CDH18: variants seen among roughly 807,000 people sequenced by gnomAD.
CDH18 encodes cadherin 18.
CDH18 carries 31 observed loss-of-function variants against 67.9 expected under a neutral mutation model. The ratio of observed to expected loss-of-function variants is 0.46; its 90% CI spans 0.34 to 0.62. The LOEUF is 0.62. Among genes scored for constraint, CDH18 ranks in the 20% least tolerant of loss-of-function variants. The pLI is 0.01. For missense variants in CDH18, 890 were observed against 975.5 expected, an observed-to-expected ratio of 0.91 and a Z score of 1.17; for synonymous variants, 362 against 347.2, an observed-to-expected ratio of 1.04 and a Z score of -0.48.
intron 2 of CDH18, among the ~76,000 whole-genome samples, chr5:20,231,209 G>A (rs1485509795): frequency 6.6e-6 from 1 of 152,148 alleles, no homozygotes; most frequent in South Asian, 2.1e-4. Context: ...ATATATCAAA[G>A]TAAAACTTTA....
intron 3 of CDH18, among the ~76,000 whole-genome samples, chr5:19,811,039 G>A (rs1369120556): frequency 6.9e-6 from 1 of 145,900 alleles, no homozygotes; most frequent in Non-Finnish European, 1.5e-5. Flanking sequence ...GAAAGGAAAG[G>A]AAAGGGAAAG....
At chr5:19,894,000 T>C (rs945920313) in intron 2 of CDH18, among the ~76,000 whole-genome samples, 1 of 152,146 alleles carries the variant, frequency 6.6e-6, no homozygotes, top group African/African-American at 2.4e-5. Context: ...CCCGCTATCT[T>C]TTTGCTTTTC....
At chr5:19,724,511 A>G (rs1298742002) in intron 4 of CDH18, among the ~76,000 whole-genome samples, 2 of 88,142 alleles carry the variant, frequency 2.3e-5, no homozygotes, top group Non-Finnish European at 5.9e-5. Flanking sequence ...ACACACAGAC[A>G]TACACACACA....
intron 2 of CDH18, among the ~76,000 whole-genome samples, chr5:20,138,738 T>C (rs561146159): frequency 6.6e-6 from 1 of 152,108 alleles, no homozygotes; most frequent in South Asian, 2.1e-4. Context: ...AATCAAATAC[T>C]GAGGAATCCA....
rs1358693337 is a variant in CDH18 at position 19,835,099 on chromosome 5, T to G, written c.228+3660A>C. On this transcript the variant is annotated intron_variant, in intron 3 of 12. Coordinates refer to ENST00000382275, the MANE Select transcript of CDH18 (RefSeq NM_004934.5). ...ATGTTAATTGCAGCACTATTTACAA[T>G]AGCAAAGACATGGAACCAACCCAAA... Among the ~76,000 whole-genome samples the G allele has an allele frequency of 6.6e-5, 10 of 152,244 alleles. No homozygotes were observed. The South Asian group carries it at 1.9e-3, about 28-fold the overall frequency.
intron 2 of CDH18, among the ~76,000 whole-genome samples, chr5:19,935,006 A>G (rs1187283745): frequency 2.0e-5 from 3 of 151,288 alleles, no homozygotes; most frequent in African/African-American, 7.3e-5. Flanking sequence ...TTCTTGGCCT[A>G]TGATTATGTC....
chr5:20,249,066 T>C (rs1561911157), intron 2 of CDH18, among the ~76,000 whole-genome samples: 2 of 152,176 alleles, frequency 1.3e-5, no homozygotes, highest in Non-Finnish European at 2.9e-5. Flanking sequence ...CAAAGTATTA[T>C]TGGAAAAGTA....
chr5:19,552,377 A>G (rs1737610885), intron 8 of CDH18, among the ~76,000 whole-genome samples: 1 of 152,146 alleles, frequency 6.6e-6, no homozygotes, highest in South Asian at 2.1e-4. Flanking sequence ...TGACTGTGAA[A>G]GCTCATCTTT....
Position 20,501,569 on chromosome 5 carries a change from A to ATTATATACATATTATATATATATAAT in CDH18, c.-580+73892_-580+73893insATTATATATATATAATATGTATATAA, listed in dbSNP as rs1491455085. On this transcript the variant is annotated intron_variant, in intron 1 of 14. Transcript: ENST00000507958. ...TATTATATATATAATATATATATAT[A>ATTATATACATATTATATATATATAAT]ATATATATATATTATATATATATAT... 6.8e-4 allele frequency among the ~76,000 whole-genome samples: 11 copies of ATTATATACATATTATATATATATAAT among 16,192 alleles called. 1 individual carries two copies. The East Asian group carries it at 0.036, about 53-fold the overall frequency. 10.6% of individuals were successfully genotyped at this position (16,192 alleles called of 152,430 possible).
chr5:19,967,862 A>C lies in CDH18; in HGVS notation c.-257+13198T>G, dbSNP rs187078377. On this transcript the variant is annotated intron_variant, in intron 2 of 12. Coordinates refer to ENST00000382275, the MANE Select transcript of CDH18 (RefSeq NM_004934.5). ...CCAGGGCAATTAGGCAGGAGAAGGA[A>C]ATAAAGGGTTTTCAATTAGGAAAAG... Among the ~76,000 whole-genome samples the C allele has an allele frequency of 1.2e-3, 181 of 152,220 alleles. 1 individual carries two copies. Among genetic ancestry groups the C allele is most frequent in the Admixed American group, 4.1e-3 (63 of 15,276 alleles).
chr5:20,379,529 A>G (rs1477031956), intron 1 of CDH18, among the ~76,000 whole-genome samples: 1 of 152,184 alleles, frequency 6.6e-6, no homozygotes, highest in East Asian at 1.9e-4. Flanking sequence ...ACACTGAACC[A>G]TGAAACACAC....
chr5:20,504,819 G>A (rs1177525017), intron 1 of CDH18, among the ~76,000 whole-genome samples: 1 of 133,274 alleles, frequency 7.5e-6, no homozygotes, highest in African/African-American at 2.9e-5. Flanking sequence ...CCAGGCTGGA[G>A]TGCAGTGGCG....
intron 1 of CDH18, among the ~76,000 whole-genome samples, chr5:20,447,378 T>TAA (rs1363959860): frequency 1.5e-5 from 2 of 137,832 alleles, no homozygotes; most frequent in African/African-American, 2.7e-5. Flanking sequence ...AAAATCCTGA[T>TAA]AAAAAAAAAA....
intron 1 of CDH18, among the ~76,000 whole-genome samples, chr5:20,344,294 C>A (rs1740523503): frequency 6.6e-6 from 1 of 152,074 alleles, no homozygotes; most frequent in African/African-American, 2.4e-5. Flanking sequence ...AAATTAATCC[C>A]CTCAACAGAC....
chr5:20,254,342 C>T (rs1458455260), intron 2 of CDH18, among the ~76,000 whole-genome samples: 2 of 152,140 alleles, frequency 1.3e-5, no homozygotes, highest in Non-Finnish European at 2.9e-5. Flanking sequence ...GAACTCCTGA[C>T]CTCAGGTGAT....
Position 20,185,921 on chromosome 5 carries a change from C to T in CDH18, c.-518+69523G>A, listed in dbSNP as rs73052721. Among the ~76,000 whole-genome samples, 504 of 151,564 alleles carry T rather than the reference C, an allele frequency of 3.3e-3. 4 individuals carry two copies. The highest frequency in any genetic ancestry group is 0.012 in the African/African-American group (480 of 41,354). Reference sequence around the variant, plus strand: ...GGAAGAGTACCATATACCAAGTTGGCACGCAAGAAATACTTTCTGAAGAAG... The same window carrying T: ...GGAAGAGTACCATATACCAAGTTGGTACGCAAGAAATACTTTCTGAAGAAG... On this transcript the variant is annotated intron_variant, in intron 2 of 14. Coordinates refer to the CDH18 transcript ENST00000507958.
intron 4 of CDH18, among the ~76,000 whole-genome samples, chr5:19,734,909 C>T (rs1403737759): frequency 3.3e-5 from 5 of 152,074 alleles, no homozygotes; most frequent in Non-Finnish European, 2.9e-5. Context: ...ATTGCAATAA[C>T]AAACAAACCC....
chr5:19,764,518 C>T (rs914637015), intron 3 of CDH18, among the ~76,000 whole-genome samples: 3 of 151,666 alleles, frequency 2.0e-5, no homozygotes, highest in African/African-American at 7.3e-5. Flanking sequence ...ATAACCAAGG[C>T]ATGAGTCACT....
intron 1 of CDH18, among the ~76,000 whole-genome samples, chr5:20,562,843 A>G (rs970116654): frequency 6.6e-6 from 1 of 151,974 alleles, no homozygotes; most frequent in Non-Finnish European, 1.5e-5. Flanking sequence ...TAGCACTTCT[A>G]CATCTTTAAC....
Sources: allele counts gnomAD v4.1 joint callset (sites outside exome capture counted in the v4.1 genomes callset), GRCh38; gene constraint gnomAD v4.1.1; transcripts MANE v1.5; gene names NCBI Gene and HGNC (gene_info 2026-07-23, HGNC 2026-07-21).